The following SORBS3 variants were observed in gnomAD, a reference collection of about 807,000 sequenced individuals.
The protein encoded by SORBS3 is sorbin and SH3 domain containing 3.
SORBS3 carries 69 observed loss-of-function variants against 98.0 expected under a neutral mutation model. The observed-to-expected ratio is 0.70, with a 90% confidence interval of 0.58 to 0.86. SORBS3 has a LOEUF of 0.86. SORBS3 is among the 40% of genes least tolerant of loss of function. The pLI, the probability that SORBS3 is intolerant of heterozygous loss-of-function variation, is 0.00. For missense variants in SORBS3, 954 were observed against 908.5 expected, an observed-to-expected ratio of 1.05 and a Z score of -0.64; for synonymous variants, 394 against 355.4, an observed-to-expected ratio of 1.11 and a Z score of -1.22.
chr8:22,564,246 C>A, intron 8 of SORBS3, 37 bp from the exon 9 acceptor site: 2 of 1,550,588 alleles, frequency 1.3e-6, no homozygotes, highest in South Asian at 1.2e-5. Context: ...TCCCAGTAGC[C>A]CTCTTCACAA....
In SORBS3 at chr8:22,566,455, G is replaced by A. The variant is rs566368874; in HGVS notation, c.1061G>A (p.Arg354Lys). 6.2e-7 allele frequency: 1 copy of A among 1,613,948 alleles called. No homozygotes were observed. Among genetic ancestry groups the A allele is most frequent in the Admixed American group, 1.7e-5 (1 of 60,022 alleles). Residue 354 changes from arginine to lysine, a missense_variant, in exon 13 of 21, where the codon AGG (arginine) becomes AAG (lysine). Arg to Lys is a conservative substitution (Grantham distance 26). Transcript: ENST00000240123. ...GGAGGAAGCCCCTTCCTAGGTCGGA[G>A]GGACTTTGTCTACCCTTCCTCAACC... ...ADGGSPFLGR[R>K]DFVYPSSTRD...
At chr8:22,572,861 G>T (rs1840625986) in intron 20 of SORBS3, among the ~76,000 whole-genome samples, 2 of 152,334 alleles carry the variant, frequency 1.3e-5, no homozygotes, top group African/African-American at 4.8e-5. Flanking sequence ...AATGGAGAAA[G>T]GTCCCAGCCC....
Position 22,569,262 on chromosome 8 carries a change from T to C in SORBS3, c.1420T>C (p.Ser474Pro), listed in dbSNP as rs1219319911. The C allele has an allele frequency of 6.3e-7, 1 of 1,594,832 alleles. No individual in the cohort carries two copies. Among genetic ancestry groups the C allele is most frequent in the Non-Finnish European group, 8.5e-7 (1 of 1,169,892 alleles). The change falls in exon 17 of 21, where the codon TCC becomes CCC. Residue 474 changes from serine to proline, a missense_variant. Ser to Pro is a moderately conservative substitution (Grantham distance 74). Transcript: ENST00000240123. ...TFKGDLEVELSFRKGEHICLI... is the reference protein window; with the variant it reads ...TFKGDLEVELPFRKGEHICLI... ...CAAGGGGGACCTGGAGGTGGAGCTG[T>C]CCTTCCGCAAGGTGGGCCAGGCCGG...
intron 1 of SORBS3, among the ~76,000 whole-genome samples, chr8:22,546,128 AT>A (rs1840013676): frequency 6.6e-6 from 1 of 152,226 alleles, no homozygotes; most frequent in East Asian, 1.9e-4. Context: ...GGCGAGGGAA[AT>A]GTTACTTATT....
rs367894677 is a variant in SORBS3, at chr8:22,572,347, G to A, written c.1855G>A (p.Ala619Thr). ...TSQIHWTPYR[A>T]MYQYRPQNED... ...ATGATACGCTTCTCGCAGGTACCGGGCGATGTACCAGTACAGGCCCCAGAA... is the reference window on the plus strand; with the variant it reads ...ATGATACGCTTCTCGCAGGTACCGGACGATGTACCAGTACAGGCCCCAGAA... Residue 619 changes from alanine (A) to threonine (T), a missense_variant, in exon 20 of 21, where the codon GCG becomes ACG. Ala to Thr is a moderately conservative substitution (Grantham distance 58). Transcript: ENST00000240123. 4 of 1,613,718 alleles carry A rather than the reference G, an allele frequency of 2.5e-6. No individual in the cohort carries two copies. The highest frequency in any genetic ancestry group is 1.3e-5 in the African/African-American group (1 of 74,928).
At chr8:22,561,423 G>A (rs763834570) in intron 6 of SORBS3, 50 bp downstream of exon 6, 17 of 1,605,736 alleles carry the variant, frequency 1.1e-5, no homozygotes, top group South Asian at 9.9e-5. Flanking sequence ...GCCTGCGTCC[G>A]CCCCTCCCTG....
chr8:22,552,060 C>T (rs1031393927), intron 1 of SORBS3, 38 bp downstream of exon 1: 96 of 985,130 alleles, frequency 9.7e-5, no homozygotes, highest in Non-Finnish European at 1.1e-4. Context: ...GTAGGCGAGG[C>T]CGGCGGGAGG....
In SORBS3 at chr8:22,561,987, C is replaced by T. The variant is rs551430718; in HGVS notation, c.584+56C>T. On this transcript the variant is annotated intron_variant, in intron 7 of 20. Transcript: ENST00000240123. ...CGGAGGGGCGCGGCCCGCGAGACAC[C>T]ATGGGACGGGCGCCCCCTCGTGACC... 1.5e-4 allele frequency: 226 copies of T among 1,550,042 alleles called. 1 individual carries two copies. The East Asian group carries it at 4.3e-3, about 29-fold the overall frequency.
intron 3 of SORBS3, 40 bp downstream of exon 3, chr8:22,555,020 C>G: frequency 6.5e-7 from 1 of 1,542,798 alleles, no homozygotes; most frequent in Non-Finnish European, 8.9e-7. Flanking sequence ...GATGGAGGGT[C>G]AGGGCCCTGC....
chr8:22,548,200 T>G (rs918678362), upstream of SORBS3, among the ~76,000 whole-genome samples: 1 of 152,198 alleles, frequency 6.6e-6, no homozygotes, highest in Non-Finnish European at 1.5e-5. Context: ...GGAGGCCCTT[T>G]GAAGCCCCAA....
At chr8:22,559,059 G>A (rs543848203) in intron 5 of SORBS3, among the ~76,000 whole-genome samples, 1 of 152,204 alleles carries the variant, frequency 6.6e-6, no homozygotes, top group African/African-American at 2.4e-5. Context: ...ATAAGGAGGA[G>A]CCACTGAGCG....
In SORBS3 at chr8:22,559,635, G is replaced by A. The variant is rs147859288; in HGVS notation, c.478+1443G>A. The stretch of plus-strand genomic sequence containing the variant: ...GGAGAATTGCTTGAACCTGGGAGGC[G>A]GAGGTTGCAGTGAGCTGAGACCATT... On this transcript the variant is annotated intron_variant, in intron 5 of 20. Transcript: ENST00000240123. 4.1e-3 allele frequency among the ~76,000 whole-genome samples: 616 copies of A among 150,054 alleles called. 1 individual carries two copies. Among genetic ancestry groups the A allele is most frequent in the African/African-American group, 0.014 (558 of 40,758 alleles).
intron 3 of SORBS3, among the ~76,000 whole-genome samples, 158 bp downstream of exon 3, chr8:22,555,138 C>G (rs1840161294): frequency 6.6e-6 from 1 of 152,216 alleles, no homozygotes; most frequent in African/African-American, 2.4e-5. Context: ...TGAGCCCCTC[C>G]CTGCGGAGCC....
At chr8:22,551,923 T>C (rs948873851), upstream of SORBS3, 2 of 985,246 alleles carry the variant, frequency 2.0e-6, no homozygotes, top group Non-Finnish European at 2.4e-6. This position sits in a 1 kb window ranked among gnomAD's most constrained non-coding sequence, Gnocchi z 5.8. Context: ...CGCTTCTCCT[T>C]GCCCTTCCTC....
intron 11 of SORBS3, 187 bp downstream of exon 11, chr8:22,565,541 T>A: frequency 1.8e-6 from 1 of 570,044 alleles, no homozygotes; most frequent in Non-Finnish European, 2.6e-6. Context: ...ATACAGGGCG[T>A]CGACTTTCGC....
rs567385558 is a variant in SORBS3 at position 22,568,578 on chromosome 8, A to G, written c.1306-570A>G. On this transcript the variant is annotated intron_variant, in intron 16 of 20. Coordinates refer to ENST00000240123, the MANE Select transcript of SORBS3 (RefSeq NM_005775.5). ...ATCCACTTGGTCCTGAAATTTCACA[A>G]AGTATATACAGTATTTCACTCCGCC... Among the ~76,000 whole-genome samples, 33 of 152,330 alleles carry G rather than the reference A, an allele frequency of 2.2e-4. No homozygotes were observed. The South Asian group carries it at 6.6e-3, about 31-fold the overall frequency.
intron 5 of SORBS3, among the ~76,000 whole-genome samples, chr8:22,560,173 C>T (rs529295676): frequency 6.6e-6 from 1 of 152,104 alleles, no homozygotes; most frequent in African/African-American, 2.4e-5. Flanking sequence ...GAATAGATGG[C>T]GTTTTAAAAG....
Position 22,556,881 on chromosome 8 carries a change from G to C in SORBS3, c.387G>C (p.Glu129Asp), listed in dbSNP as rs377509592. ...ACGAGGGAATCGGGCCCGTGGACGA[G>C]AGCGGCATGCCCATTGCCCCCCGAT... ...VKYEGIGPVD[E>D]SGMPIAPRSS... The change falls in exon 4 of 21, where the codon GAG becomes GAC. Residue 129 changes from glutamate (E) to aspartate (D), a missense_variant. By Grantham distance (45) the Glu-to-Asp change is conservative. Transcript: ENST00000240123. The C allele has an allele frequency of 4.3e-6, 7 of 1,613,204 alleles. No individual in the cohort carries two copies. Among genetic ancestry groups the C allele is most frequent in the Admixed American group, 1.7e-5 (1 of 60,034 alleles).
upstream of SORBS3, among the ~76,000 whole-genome samples, chr8:22,550,601 G>T (rs1024592085): frequency 6.6e-6 from 1 of 152,218 alleles, no homozygotes; most frequent in African/African-American, 2.4e-5. Context: ...CAGAACGAGG[G>T]AGAAGATAAG....
Sources: allele counts gnomAD v4.1 joint callset (sites outside exome capture counted in the v4.1 genomes callset), GRCh38; gene constraint gnomAD v4.1.1; non-coding constraint Gnocchi (gnomAD v3.1); transcripts MANE v1.5; gene names NCBI Gene and HGNC (gene_info 2026-07-23, HGNC 2026-07-21).